Variants in GSAP observed in about 807,000 individuals in gnomAD.
GSAP encodes the protein gamma-secretase-activating protein.
A neutral mutation model predicts 131.7 loss-of-function variants in GSAP; 118 were observed. The observed-to-expected ratio is 0.90, with a 90% confidence interval of 0.77 to 1.04. GSAP has a LOEUF of 1.04. Among genes scored for constraint, GSAP ranks in the 50% least tolerant of loss-of-function variants. The pLI, the probability that GSAP is intolerant of heterozygous loss-of-function variation, is 0.00. For missense variants in GSAP, 1,019 were observed against 1,013.2 expected, an observed-to-expected ratio of 1.01 and a Z score of -0.08; for synonymous variants, 381 against 363.4, an observed-to-expected ratio of 1.05 and a Z score of -0.55.
chr7:77,329,252 T>C (rs964656286), intron 21 of GSAP, 81 bp downstream of exon 21: 1 of 752,852 alleles, frequency 1.3e-6, no homozygotes. Context: ...GTAAACTACT[T>C]CTATAAAAGG....
intron 5 of GSAP, among the ~76,000 whole-genome samples, chr7:77,395,568 G>A (rs1262203865): frequency 6.6e-6 from 1 of 152,142 alleles, no homozygotes; most frequent in African/African-American, 2.4e-5. Flanking sequence ...GGAAGGGGTT[G>A]TTCTCAGTAT....
At chr7:77,400,531 G>C (rs1801140953) in intron 3 of GSAP, among the ~76,000 whole-genome samples, 1 of 152,178 alleles carries the variant, frequency 6.6e-6, no homozygotes, top group African/African-American at 2.4e-5. Context: ...AGTAGGCCAA[G>C]TGGGGAACCT....
At chr7:77,321,062 A>G (rs991206732) in intron 25 of GSAP, among the ~76,000 whole-genome samples, 1 of 152,200 alleles carries the variant, frequency 6.6e-6, no homozygotes, top group Non-Finnish European at 1.5e-5. Context: ...TACTGGGCTC[A>G]TTTGTCCCTC....
At chr7:77,411,824 T>TA (rs1228760923) in intron 1 of GSAP, among the ~76,000 whole-genome samples, 1 of 152,182 alleles carries the variant, frequency 6.6e-6, no homozygotes, top group Non-Finnish European at 1.5e-5. Flanking sequence ...TCGTGAAGAA[T>TA]ACTAAGGTGA....
intron 16 of GSAP, 75 bp downstream of exon 16, chr7:77,355,138 A>C: frequency 1.0e-6 from 1 of 954,858 alleles, no homozygotes; most frequent in Non-Finnish European, 1.6e-6. Flanking sequence ...ATAACTCCTG[A>C]CCATTTTCAA....
At chr7:77,363,384 C>T (rs1013031976) in intron 12 of GSAP, among the ~76,000 whole-genome samples, 23 of 152,214 alleles carry the variant, frequency 1.5e-4, no homozygotes, top group African/African-American at 5.5e-4. Context: ...CAATTGAGGA[C>T]AGTATGCTTA....
intron 19 of GSAP, among the ~76,000 whole-genome samples, chr7:77,332,641 A>C (rs1216579912): frequency 6.6e-6 from 1 of 152,226 alleles, no homozygotes; most frequent in Non-Finnish European, 1.5e-5. Flanking sequence ...TAGAGTTAGA[A>C]GGAAAAAGAT....
intron 8 of GSAP, chr7:77,380,149 G>T (rs974893341): frequency 6.5e-6 from 1 of 153,868 alleles, no homozygotes; most frequent in South Asian, 2.1e-4. Flanking sequence ...GTAAGCTTAG[G>T]AGAAGATGCT....
Position 77,386,977 on chromosome 7 carries a change from A to G in GSAP, c.456+383T>C, listed in dbSNP as rs377763999. The stretch of plus-strand genomic sequence containing the variant: ...GAATGACTGTATCTATGCCACCTAC[A>G]TTATACATGCAGTTTCTGCATCAAC... On this transcript the variant is annotated intron_variant, in intron 6 of 30. Transcript: ENST00000257626. Among the ~76,000 whole-genome samples the G allele has an allele frequency of 6.6e-5, 10 of 152,358 alleles. No individual in the cohort carries two copies. The South Asian group carries it at 1.0e-3, about 16-fold the overall frequency.
chr7:77,342,047 G>A (rs758026085), intron 19 of GSAP, among the ~76,000 whole-genome samples: 5 of 151,964 alleles, frequency 3.3e-5, no homozygotes, highest in Admixed American at 2.0e-4. Flanking sequence ...CCATCTATGC[G>A]GGACCCCACT....
Position 77,397,652 on chromosome 7 carries a change from T to C in GSAP, c.244-237A>G, listed in dbSNP as rs1800644988. ...GCCATGAGACAACCAAGTATAGTGG[T>C]TAACAGCATAGACATTGGAGCCCAG... On this transcript the variant is annotated intron_variant, in intron 3 of 30. Transcript: ENST00000257626. 2.6e-5 allele frequency among the ~76,000 whole-genome samples: 4 copies of C among 152,178 alleles called. No homozygotes were observed. The South Asian group carries it at 8.3e-4, about 32-fold the overall frequency.
At chr7:77,389,317 T>G (rs1799073563) in intron 5 of GSAP, among the ~76,000 whole-genome samples, 1 of 148,152 alleles carries the variant, frequency 6.7e-6, no homozygotes, top group African/African-American at 2.6e-5. Flanking sequence ...TTTGTTTGTT[T>G]GTTTTGTTTT....
intron 1 of GSAP, among the ~76,000 whole-genome samples, chr7:77,406,380 A>G (rs1802272384): frequency 6.6e-6 from 1 of 152,166 alleles, no homozygotes. Flanking sequence ...CTCTGCAATA[A>G]CTCACTGAAC....
intron 23 of GSAP, among the ~76,000 whole-genome samples, chr7:77,325,623 G>T (rs1318720430): frequency 6.6e-6 from 1 of 152,102 alleles, no homozygotes; most frequent in Non-Finnish European, 1.5e-5. Context: ...CAGGATGGAG[G>T]GCAGTGGCGC....
chr7:77,402,684 TAAAA>T (rs60282862), intron 3 of GSAP, among the ~76,000 whole-genome samples: 1 of 111,846 alleles, frequency 8.9e-6, no homozygotes, highest in African/African-American at 3.2e-5. Flanking sequence ...AAAAGGTCCG[TAAAA>T]AAAAAAAAAA....
chr7:77,387,381 C>A lies in GSAP; in HGVS notation c.435G>T (p.Val145=), dbSNP rs1798728853. 1.3e-6 allele frequency: 2 copies of A among 1,588,710 alleles called. No homozygotes were observed. The highest frequency in any genetic ancestry group is 1.7e-6 in the Non-Finnish European group (2 of 1,156,856). Residue 145 remains valine (V), a synonymous_variant, in exon 6 of 31, where the codon GTG becomes GTT. Coordinates refer to ENST00000257626, the MANE Select transcript of GSAP (RefSeq NM_017439.4). Reference sequence around the variant, plus strand: ...TTACCTGAACCCAAATATAGCTATCCACAGCCTTTAGAACCTTCACATTGT... The same window carrying A: ...TTACCTGAACCCAAATATAGCTATCAACAGCCTTTAGAACCTTCACATTGT... ...PVNNVKVLKA[V]DSYIWVQFLY...
chr7:77,313,421 G>A, intron 28 of GSAP, 67 bp downstream of exon 28: 1 of 804,316 alleles, frequency 1.2e-6, no homozygotes, highest in Non-Finnish European at 2.1e-6. Flanking sequence ...TGCTCTTTTT[G>A]CAAGAAGAAA....
At position 77,330,492 on chromosome 7, in the gene GSAP, T is replaced by G. The variant is rs373011401; in HGVS notation, c.1546-125A>C. On this transcript the variant is annotated intron_variant, in intron 19 of 30. Coordinates refer to ENST00000257626, the MANE Select transcript of GSAP (RefSeq NM_017439.4). ...TCCACATTTCTGAGTGAATACTTTG[T>G]ACAGAAGATGGCATTCTAGACCCAA... 2.1e-5 allele frequency: 30 copies of G among 1,403,026 alleles called. No homozygotes were observed. The African/African-American group carries it at 2.2e-4, about 10-fold the overall frequency. The allele number at this position is 1,403,026 out of a possible 1,614,324, so 86.9% of individuals were successfully genotyped here. A position where few individuals can be genotyped will look rare whatever the true frequency, so the allele number is the denominator to read the frequency against.
intron 11 of GSAP, 87 bp from the exon 12 acceptor site, chr7:77,374,242 C>A (rs1796526313): frequency 4.7e-6 from 3 of 644,214 alleles, no homozygotes; most frequent in East Asian, 2.9e-5. Flanking sequence ...AAATAATATA[C>A]CCACAGAAGT....
Sources: gnomAD v4.1 joint callset for allele counts (sites outside exome capture counted in the v4.1 genomes callset) on GRCh38, gnomAD v4.1.1 for gene constraint, MANE v1.5 for transcripts, NCBI Gene and HGNC (gene_info 2026-07-23, HGNC 2026-07-21) for gene names.